The following SUMO2 variants were observed in gnomAD, a reference collection of about 807,000 sequenced individuals.
SUMO2 encodes the protein small ubiquitin-related modifier 2.
SUMO2 carries 1 observed loss-of-function variant against 16.0 expected under a neutral mutation model. The observed-to-expected ratio is 0.06, with a 90% CI of 0.02 to 0.30. SUMO2 has a LOEUF of 0.30. Among genes scored for constraint, SUMO2 ranks in the 10% least tolerant of loss-of-function variants. SUMO2 has a pLI of 1.00. For missense variants in SUMO2, 16 were observed against 117.5 expected (o/e 0.14, Z 3.99); for synonymous variants, 36 against 40.6 (o/e 0.89, Z 0.43).
chr17:75,181,936 C>A (rs2074832203), intron 1 of SUMO2, among the ~76,000 whole-genome samples: 1 of 151,994 alleles, frequency 6.6e-6, no homozygotes, highest in African/African-American at 2.4e-5. Context: ...AGAAGCAATT[C>A]TGTAGCCCTA....
intron 3 of SUMO2, among the ~76,000 whole-genome samples, chr17:75,171,733 T>C (rs1026409828): frequency 6.6e-5 from 10 of 152,118 alleles, no homozygotes; most frequent in Non-Finnish European, 8.8e-5. Context: ...TGTTTAATAT[T>C]TGTAACTACT....
intron 3 of SUMO2, among the ~76,000 whole-genome samples, chr17:75,169,515 C>T (rs2074718995): frequency 1.3e-5 from 2 of 151,414 alleles, no homozygotes; most frequent in South Asian, 4.2e-4. Flanking sequence ...TCCCGAGTAG[C>T]TGGGACTACA....
intron 2 of SUMO2, among the ~76,000 whole-genome samples, chr17:75,180,158 T>C (rs1412034672): frequency 6.8e-6 from 1 of 146,500 alleles, no homozygotes; most frequent in Non-Finnish European, 1.5e-5. Context: ...CTACTAAAAA[T>C]ACAAAATTAG....
chr17:75,179,568 T>TAC (rs2074810753), intron 2 of SUMO2, among the ~76,000 whole-genome samples: 1 of 149,368 alleles, frequency 6.7e-6, no homozygotes, highest in Non-Finnish European at 1.5e-5. Flanking sequence ...AGGAACTACA[T>TAC]ACAAGAAGGT....
intron 2 of SUMO2, among the ~76,000 whole-genome samples, chr17:75,176,778 T>C (rs745660786): frequency 3.3e-5 from 5 of 152,156 alleles, no homozygotes; most frequent in African/African-American, 7.2e-5. Flanking sequence ...TCAGGAGATA[T>C]AGGAACCTAG....
chr17:75,171,170 C>T (rs1290683733), intron 3 of SUMO2, among the ~76,000 whole-genome samples: 1 of 151,382 alleles, frequency 6.6e-6, no homozygotes, highest in East Asian at 2.0e-4. Flanking sequence ...GCTGTTGTTG[C>T]CCAGGGTGGA....
chr17:75,176,321 G>A (rs2074782244), intron 2 of SUMO2, among the ~76,000 whole-genome samples: 1 of 152,038 alleles, frequency 6.6e-6, no homozygotes, highest in Non-Finnish European at 1.5e-5. Flanking sequence ...GGAAAAAAAT[G>A]CCCATTTAAA....
intron 3 of SUMO2, among the ~76,000 whole-genome samples, chr17:75,170,267 A>G (rs1386374188): frequency 6.6e-6 from 1 of 152,142 alleles, no homozygotes; most frequent in African/African-American, 2.4e-5. Context: ...ACTGAAAACA[A>G]ATCTCAATAA....
chr17:75,168,526 T>C, intron 3 of SUMO2, 125 bp from the exon 4 acceptor site: 1 of 774,904 alleles, frequency 1.3e-6, no homozygotes, highest in Non-Finnish European at 2.1e-6. Context: ...TTATTTTAGA[T>C]GTCTCATAGC....
intron 2 of SUMO2, among the ~76,000 whole-genome samples, chr17:75,176,535 G>C (rs2074783612): frequency 6.6e-6 from 1 of 152,004 alleles, no homozygotes; most frequent in African/African-American, 2.4e-5. Flanking sequence ...AGGATCGCTT[G>C]AACCTGGGAG....
rs530114933 is a variant in SUMO2, at chr17:75,165,745, C to A, written c.*2594G>T. ...CTCATCTATAAAATGGCAGTGAGGC[C>A]GGGCGCAGTGGATCATGCCTGTAAT... On this transcript the variant is annotated 3_prime_UTR_variant, in exon 4 of 4. Coordinates refer to ENST00000420826, the MANE Select transcript of SUMO2 (RefSeq NM_006937.4). The A allele has an allele frequency of 6.6e-6, 1 of 152,230 alleles. No homozygotes were observed. Among genetic ancestry groups the A allele is most frequent in the South Asian group, 2.1e-4 (1 of 4,822 alleles). The allele number at this position is 152,230 out of a possible 1,614,324, so 9.4% of individuals were successfully genotyped here.
intron 3 of SUMO2, among the ~76,000 whole-genome samples, chr17:75,169,294 T>G (rs1262518755): frequency 2.0e-5 from 3 of 151,962 alleles, no homozygotes; most frequent in Non-Finnish European, 4.4e-5. Flanking sequence ...ATCTCAACAC[T>G]TTGGGAGGCT....
intron 2 of SUMO2, among the ~76,000 whole-genome samples, chr17:75,176,942 G>A (rs2074787052): frequency 6.6e-6 from 1 of 151,922 alleles, no homozygotes. Flanking sequence ...CTAGCACCTT[G>A]GGAGACTGAG....
chr17:75,177,438 G>A (rs2074791248), intron 2 of SUMO2, among the ~76,000 whole-genome samples: 1 of 152,076 alleles, frequency 6.6e-6, no homozygotes, highest in African/African-American at 2.4e-5. Flanking sequence ...CAACATTTTG[G>A]AAGGCCAAGG....
At chr17:75,182,447 G>C (rs1315694349) in intron 1 of SUMO2, 2 of 171,342 alleles carry the variant, frequency 1.2e-5, no homozygotes, top group African/African-American at 2.4e-5. Context: ...CCCGACGCGG[G>C]GTCGACAGAA....
At chr17:75,172,482 G>C (rs1186681393) in intron 3 of SUMO2, among the ~76,000 whole-genome samples, 1 of 148,524 alleles carries the variant, frequency 6.7e-6, no homozygotes, top group South Asian at 2.1e-4. Flanking sequence ...ATCATGCCTG[G>C]CTAAATTTTT....
chr17:75,180,936 C>T (rs1014300927), intron 2 of SUMO2, 121 bp downstream of exon 2: 20 of 1,140,178 alleles, frequency 1.8e-5, no homozygotes, highest in African/African-American at 1.6e-4. Flanking sequence ...ACTGACGTGC[C>T]AAGTGCATAT....
intron 2 of SUMO2, among the ~76,000 whole-genome samples, chr17:75,178,434 A>T (rs1432486379): frequency 1.3e-5 from 2 of 150,876 alleles, no homozygotes; most frequent in East Asian, 3.9e-4. Context: ...GAATCGCTTG[A>T]ACCCAGGAGG....
Position 75,168,346 on chromosome 17 carries a change from A to G in SUMO2, c.281T>C (p.Val94Ala), listed in dbSNP as rs1451711605. The G allele has an allele frequency of 6.2e-7, 1 of 1,601,474 alleles. No homozygotes were observed. The highest frequency in any genetic ancestry group is 8.5e-7 in the Non-Finnish European group (1 of 1,174,648). ...IDVFQQQTGGVY is the reference protein window; with the variant it reads ...IDVFQQQTGGAY The stretch of plus-strand genomic sequence containing the variant: ...AAGAAGCAGGTTCCCTTTTCAGTAG[A>G]CACCTCCCGTCTGCTGTTGGAACAC... The change falls in exon 4 of 4, where the codon GTC (valine) becomes GCC (alanine). Residue 94 changes from valine to alanine, a missense_variant. Coordinates refer to ENST00000420826, the MANE Select transcript of SUMO2 (RefSeq NM_006937.4).
Sources: allele counts gnomAD v4.1 joint callset (sites outside exome capture counted in the v4.1 genomes callset), GRCh38; gene constraint gnomAD v4.1.1; transcripts MANE v1.5; gene names NCBI Gene and HGNC (gene_info 2026-07-23, HGNC 2026-07-21).